NOL4L: variants seen among roughly 807,000 people sequenced by gnomAD.
NOL4L encodes nucleolar protein 4-like.
A neutral mutation model predicts 64.5 loss-of-function variants in NOL4L; 7 were observed. That is an observed-to-expected ratio of 0.11 (90% CI 0.06 to 0.20). NOL4L has a LOEUF of 0.20. Among genes scored for constraint, NOL4L ranks in the 10% least tolerant of loss-of-function variants. The pLI is 1.00. For missense variants in NOL4L, 680 were observed against 967.1 expected (o/e 0.70, Z 3.94); for synonymous variants, 413 against 401.0 (o/e 1.03, Z -0.36).
intron 4 of NOL4L, among the ~76,000 whole-genome samples, chr20:32,507,966 G>A (rs1357261860): frequency 2.6e-5 from 4 of 152,304 alleles, no homozygotes; most frequent in Non-Finnish European, 4.4e-5. Context: ...AGCCGAGATC[G>A]CACCACTGCA....
At chr20:32,571,219 G>A (rs1239456811) in intron 1 of NOL4L, among the ~76,000 whole-genome samples, 3 of 152,062 alleles carry the variant, frequency 2.0e-5, no homozygotes, top group African/African-American at 4.8e-5. Context: ...TTGGAGTCTC[G>A]CTCTGTCGCC....
intron 1 of NOL4L, among the ~76,000 whole-genome samples, chr20:32,554,352 TGG>T (rs1035402205): frequency 6.8e-6 from 1 of 147,688 alleles, no homozygotes; most frequent in African/African-American, 2.5e-5. Context: ...AGGAATGTAT[TGG>T]ATGTAAGTGC....
chr20:32,551,325 A>G (rs8119624), intron 1 of NOL4L, among the ~76,000 whole-genome samples: 20,201 of 151,522 alleles, frequency 0.13, 3,850 homozygotes, highest in African/African-American at 0.43. Context: ...GCAGTGAGCC[A>G]AGATCATGCC....
At chr20:32,533,787 C>T (rs2145587810) in intron 1 of NOL4L, among the ~76,000 whole-genome samples, 1 of 152,316 alleles carries the variant, frequency 6.6e-6, no homozygotes, top group African/African-American at 2.4e-5. Context: ...CCTCGTTTTC[C>T]TCAGATGGAT....
chr20:32,465,980 C>CT (rs34290597), intron 5 of NOL4L, among the ~76,000 whole-genome samples: 14,301 of 129,064 alleles, frequency 0.11, 1,305 homozygotes, highest in African/African-American at 0.24. Context: ...CACCTCCATT[C>CT]TTTTTTTTTT....
intron 4 of NOL4L, among the ~76,000 whole-genome samples, chr20:32,507,462 A>G (rs1375942524): frequency 2.0e-5 from 3 of 152,204 alleles, no homozygotes; most frequent in African/African-American, 7.2e-5. Flanking sequence ...TTTTCATATT[A>G]TCTAATACCC....
At chr20:32,493,031 C>T (rs190911424) in intron 4 of NOL4L, among the ~76,000 whole-genome samples, 23 of 152,320 alleles carry the variant, frequency 1.5e-4, no homozygotes, top group Non-Finnish European at 2.6e-4. Context: ...CAGAGATTTC[C>T]CTTGGGCCAA....
intron 1 of NOL4L, among the ~76,000 whole-genome samples, chr20:32,566,429 G>T (rs1323483633): frequency 6.6e-6 from 1 of 152,066 alleles, no homozygotes; most frequent in African/African-American, 2.4e-5. Context: ...TGGCATCACT[G>T]ACTCCCGTGG....
At chr20:32,465,900 G>A (rs1310136747) in intron 5 of NOL4L, among the ~76,000 whole-genome samples, 4 of 152,202 alleles carry the variant, frequency 2.6e-5, no homozygotes, top group Non-Finnish European at 5.9e-5. Context: ...TATGTGTCCT[G>A]GGCTGAGGGG....
chr20:32,482,651 G>A (rs994977616), intron 4 of NOL4L, among the ~76,000 whole-genome samples: 22 of 148,226 alleles, frequency 1.5e-4, no homozygotes, highest in African/African-American at 5.0e-4. Flanking sequence ...CCTTCGCCAG[G>A]GGCCGCCAAC....
At chr20:32,500,860 A>T (rs758286947) in intron 4 of NOL4L, among the ~76,000 whole-genome samples, 4 of 152,252 alleles carry the variant, frequency 2.6e-5, no homozygotes, top group Non-Finnish European at 5.9e-5. Flanking sequence ...CAAAATGAAG[A>T]AGTATTGAAT....
intron 1 of NOL4L, 136 bp downstream of exon 1, chr20:32,584,434 G>T (rs1351119959): frequency 5.9e-6 from 4 of 678,536 alleles, no homozygotes; most frequent in Non-Finnish European, 8.3e-6. Context: ...GGACGCGTGC[G>T]CCTCCGGCGG....
intron 1 of NOL4L, among the ~76,000 whole-genome samples, chr20:32,568,933 C>T (rs1205963060): frequency 6.6e-6 from 1 of 152,196 alleles, no homozygotes; most frequent in Non-Finnish European, 1.5e-5. Context: ...TCTGCTTCTC[C>T]ATTTTGCAAA....
chr20:32,511,369 C>T lies in NOL4L; in HGVS notation c.677G>A (p.Arg226Gln), dbSNP rs975940537. 2.6e-6 allele frequency: 4 copies of T among 1,550,062 alleles called. No individual in the cohort carries two copies. The highest frequency in any genetic ancestry group is 1.4e-5 in the African/African-American group (1 of 73,160). ...TACCTGCTCCTGGGAATTCATCACT[C>T]GAAGCTTCATCTGCTTCAGGTAGGT... ...TSTYLKQMKLRVMNSQEQDET... is the reference protein window; with the variant it reads ...TSTYLKQMKLQVMNSQEQDET... The change falls in exon 4 of 11, where the codon CGA becomes CAA. Residue 226 changes from arginine (R) to glutamine (Q), a missense_variant. Coordinates refer to ENST00000621426, the MANE Select transcript of NOL4L (RefSeq NM_001256798.2).
chr20:32,472,824 C>T (rs1220550307), intron 5 of NOL4L, among the ~76,000 whole-genome samples: 1 of 152,158 alleles, frequency 6.6e-6, no homozygotes, highest in Non-Finnish European at 1.5e-5. Flanking sequence ...CAACAGCATC[C>T]TCCCTGTCCC....
intron 1 of NOL4L, among the ~76,000 whole-genome samples, chr20:32,550,794 C>T (rs879768656): frequency 4.0e-4 from 60 of 151,442 alleles, no homozygotes; most frequent in Non-Finnish European, 8.1e-4. Context: ...GCAGGAGAAT[C>T]GCTTGAACCC....
chr20:32,489,308 AT>A (rs2016359566), intron 4 of NOL4L, among the ~76,000 whole-genome samples: 1 of 151,424 alleles, frequency 6.6e-6, no homozygotes, highest in Non-Finnish European at 1.5e-5. Flanking sequence ...GATCTGGCTT[AT>A]TTTTTTCTAA....
chr20:32,457,697 G>A (rs1447036462), intron 5 of NOL4L, among the ~76,000 whole-genome samples: 1 of 152,174 alleles, frequency 6.6e-6, no homozygotes, highest in Non-Finnish European at 1.5e-5. Flanking sequence ...GCTGCAGCAG[G>A]TCCCCTGGGC....
intron 1 of NOL4L, among the ~76,000 whole-genome samples, chr20:32,567,645 G>A (rs1357740110): frequency 1.3e-5 from 2 of 152,228 alleles, no homozygotes; most frequent in African/African-American, 4.8e-5. Flanking sequence ...CTGCCTGAGC[G>A]CACATCTGGG....
Sources: allele counts gnomAD v4.1 joint callset (sites outside exome capture counted in the v4.1 genomes callset), GRCh38; gene constraint gnomAD v4.1.1; transcripts MANE v1.5; gene names NCBI Gene and HGNC (gene_info 2026-07-23, HGNC 2026-07-21).